The following NAALADL2 variants were observed in gnomAD, a reference collection of about 807,000 sequenced individuals.
NAALADL2 encodes the protein inactive N-acetylated-alpha-linked acidic dipeptidase-like protein 2.
Under a neutral mutation model 87.2 loss-of-function variants are expected in NAALADL2, and 76 were observed. That is an observed-to-expected ratio of 0.87 (90% CI 0.72 to 1.05). The LOEUF is 1.05. NAALADL2 is among the 50% of genes least tolerant of loss of function. The probability of loss-of-function intolerance (pLI) is 0.00; values close to 1 mark genes in which losing one functional copy is unlikely to be tolerated. For synonymous variants in NAALADL2, 354 were observed against 331.0 expected, an observed-to-expected ratio of 1.07 and a Z score of -0.75; for missense variants, 1,089 against 945.8, an observed-to-expected ratio of 1.15 and a Z score of -1.99.
At chr3:175,116,168 G>A (rs555128206) in intron 2 of NAALADL2, among the ~76,000 whole-genome samples, 15 of 152,000 alleles carry the variant, frequency 9.9e-5, no homozygotes, top group African/African-American at 2.2e-4. Flanking sequence ...TTTGAAAACT[G>A]GCACAAGACA....
At chr3:175,622,964 G>T (rs1726436588) in intron 10 of NAALADL2, among the ~76,000 whole-genome samples, 1 of 151,884 alleles carries the variant, frequency 6.6e-6, no homozygotes, top group Admixed American at 6.6e-5. Flanking sequence ...CCATTAAAAA[G>T]GTGATAAGAA....
chr3:175,262,999 C>CAAA (rs71626206), intron 4 of NAALADL2, among the ~76,000 whole-genome samples: 9 of 128,930 alleles, frequency 7.0e-5, no homozygotes, highest in Non-Finnish European at 1.2e-4. Context: ...GAAGTAATTG[C>CAAA]AAAAAAAAAA....
At chr3:175,569,954 T>C (rs1560775246) in intron 9 of NAALADL2, among the ~76,000 whole-genome samples, 1 of 152,088 alleles carries the variant, frequency 6.6e-6, no homozygotes, top group Non-Finnish European at 1.5e-5. Flanking sequence ...AAGGAGATTA[T>C]AAGGATTTGT....
intron 2 of NAALADL2, among the ~76,000 whole-genome samples, chr3:174,559,569 G>T (rs541807499): frequency 6.6e-6 from 1 of 152,296 alleles, no homozygotes; most frequent in Admixed American, 6.5e-5. Context: ...AAATACTATA[G>T]ACTGGGTGAC....
intron 4 of NAALADL2, among the ~76,000 whole-genome samples, chr3:175,295,216 A>G (rs1756163661): frequency 6.6e-6 from 1 of 152,186 alleles, no homozygotes; most frequent in Admixed American, 6.5e-5. Flanking sequence ...ATGTTCAAAG[A>G]GAGTTTCCAG....
chr3:174,846,028 T>C (rs1260161990), intron 3 of NAALADL2, among the ~76,000 whole-genome samples: 3 of 152,128 alleles, frequency 2.0e-5, no homozygotes, highest in Non-Finnish European at 4.4e-5. Flanking sequence ...TGTATCCACA[T>C]GGACTCCCAA....
At chr3:175,467,879 A>G (rs1724319135) in intron 8 of NAALADL2, among the ~76,000 whole-genome samples, 1 of 152,162 alleles carries the variant, frequency 6.6e-6, no homozygotes, top group Non-Finnish European at 1.5e-5. Context: ...TGTATTTTTA[A>G]TGGAATATGA....
chr3:175,328,978 A>T lies in NAALADL2; in HGVS notation c.1090+4653A>T, dbSNP rs555599366. ...AGATTGTCTGAAATCTGAAGAACTG[A>T]AAATAGTATTAGGAATAACAAATCC... is the stretch of plus-strand genomic sequence containing the variant. On this transcript the variant is annotated intron_variant, in intron 5 of 13. Coordinates refer to ENST00000454872, the MANE Select transcript of NAALADL2 (RefSeq NM_207015.3). Among the ~76,000 whole-genome samples the T allele has an allele frequency of 1.7e-4, 26 of 152,350 alleles. No homozygotes were observed. In the Middle Eastern group the frequency reaches 0.01, roughly 60 times the overall value.
chr3:175,097,409 A>G (rs1721348839), intron 2 of NAALADL2, 118 bp downstream of exon 2: 1 of 889,938 alleles, frequency 1.1e-6, no homozygotes, highest in African/African-American at 1.7e-5. Flanking sequence ...TGAGAAACAT[A>G]TCACCACAAC....
In NAALADL2 at chr3:174,452,425, C is replaced by T. The variant is rs1057197845; in HGVS notation, c.-184+11393C>T. 4.6e-5 allele frequency among the ~76,000 whole-genome samples: 7 copies of T among 152,262 alleles called. No homozygotes were observed. In the South Asian group the frequency reaches 1.2e-3, roughly 27 times the overall value. ...CCCTGCTGCACCTAACAAGTGTATA[C>T]CCTGCTGCATTGCTGCTGCTTCTGG... On this transcript the variant is annotated intron_variant, in intron 1 of 3. Transcript: ENST00000434257.
intron 11 of NAALADL2, among the ~76,000 whole-genome samples, chr3:175,699,569 G>A (rs1738687105): frequency 1.3e-5 from 2 of 152,130 alleles, no homozygotes; most frequent in Admixed American, 1.3e-4. Context: ...CTTGAGAGGT[G>A]AGAAATTCAC....
chr3:175,078,253 G>A (rs572906258), intron 1 of NAALADL2, among the ~76,000 whole-genome samples: 13 of 152,028 alleles, frequency 8.6e-5, no homozygotes, highest in South Asian at 6.2e-4. Context: ...TCAAACTCCC[G>A]ACCTCAAGTG....
At chr3:175,086,823 A>G (rs762778555) in intron 1 of NAALADL2, among the ~76,000 whole-genome samples, 1 of 152,152 alleles carries the variant, frequency 6.6e-6, no homozygotes, top group African/African-American at 2.4e-5. Context: ...TAACCTCTCA[A>G]TGTCCAGCTG....
intron 3 of NAALADL2, among the ~76,000 whole-genome samples, chr3:174,753,688 A>T (rs1455715370): frequency 1.3e-5 from 2 of 152,132 alleles, no homozygotes; most frequent in African/African-American, 4.8e-5. Context: ...AGAGCTTAGT[A>T]CGCCTCCTCT....
intron 8 of NAALADL2, 151 bp from the exon 9 acceptor site, chr3:175,471,488 A>AAT: frequency 2.0e-6 from 1 of 493,946 alleles, no homozygotes; most frequent in East Asian, 4.6e-5. Flanking sequence ...AAAAAAAAAA[A>AAT]GAAAGAAAGA....
chr3:174,682,930 G>C (rs540156583), intron 2 of NAALADL2, among the ~76,000 whole-genome samples: 1 of 152,186 alleles, frequency 6.6e-6, no homozygotes, highest in Admixed American at 6.5e-5. Flanking sequence ...GGCACCAGTA[G>C]CTAATTTGGA....
At chr3:174,620,878 T>C (rs1041851983) in intron 2 of NAALADL2, among the ~76,000 whole-genome samples, 2 of 152,104 alleles carry the variant, frequency 1.3e-5, no homozygotes, top group Non-Finnish European at 2.9e-5. Context: ...ACACTTTGAG[T>C]GAGCTAATTA....
intron 1 of NAALADL2, among the ~76,000 whole-genome samples, chr3:174,911,857 T>C (rs1733749165): frequency 6.6e-6 from 1 of 152,092 alleles, no homozygotes; most frequent in Admixed American, 6.5e-5. Flanking sequence ...CCACAGCCTT[T>C]AGAGCGATTT....
intron 1 of NAALADL2, among the ~76,000 whole-genome samples, chr3:174,871,294 C>T (rs953862613): frequency 1.3e-5 from 2 of 152,134 alleles, no homozygotes; most frequent in African/African-American, 4.8e-5. Flanking sequence ...AAAAATGATA[C>T]ACCACATAAC....
Sources: allele counts gnomAD v4.1 joint callset (sites outside exome capture counted in the v4.1 genomes callset), GRCh38; gene constraint gnomAD v4.1.1; transcripts MANE v1.5; gene names NCBI Gene and HGNC (gene_info 2026-07-23, HGNC 2026-07-21).